Variants in MYO18B observed in about 807,000 individuals in gnomAD.
The protein encoded by MYO18B is myosin XVIIIB.
MYO18B carries 204 observed loss-of-function variants against 273.0 expected under a neutral mutation model. The observed-to-expected ratio is 0.75, with a 90% CI of 0.67 to 0.84. The LOEUF is 0.84. MYO18B is among the 40% of genes least tolerant of loss of function. The pLI is 0.00. For missense variants in MYO18B, 3,212 were observed against 3,287.6 expected (o/e 0.98, Z 0.56); for synonymous variants, 1,330 against 1,305.7 (o/e 1.02, Z -0.40).
In MYO18B at chr22:25,744,576, A is replaced by AC. The variant is rs375738045; in HGVS notation, c.-110+2283_-110+2284insC. On this transcript the variant is annotated intron_variant, in intron 1 of 43. Transcript: ENST00000335473. The stretch of plus-strand genomic sequence containing the variant: ...GAAACCCCGTCTCTACTAAAAACAC[A>AC]AAAAAAAATTAGCCGGGCGTGGTGG... Among the ~76,000 whole-genome samples, 542 of 151,236 alleles carry AC rather than the reference A, an allele frequency of 3.6e-3. 5 individuals carry two copies. The highest frequency in any genetic ancestry group is 0.013 in the African/African-American group (525 of 41,198).
chr22:25,769,849 T>C (rs1448857115), intron 4 of MYO18B, among the ~76,000 whole-genome samples: 1 of 151,052 alleles, frequency 6.6e-6, no homozygotes, highest in South Asian at 2.1e-4. Flanking sequence ...GGAATCTGCA[T>C]TTATGTAGTA....
chr22:25,812,650 G>A (rs1471990829), intron 12 of MYO18B, among the ~76,000 whole-genome samples: 1 of 152,208 alleles, frequency 6.6e-6, no homozygotes, highest in Non-Finnish European at 1.5e-5. Context: ...GCCTCCCATG[G>A]CCTCAACTTG....
chr22:25,781,899 G>A (rs1268501288), intron 10 of MYO18B, 65 bp downstream of exon 10: 35 of 1,166,708 alleles, frequency 3.0e-5, no homozygotes, highest in Non-Finnish European at 3.9e-5. Context: ...GTTCTTTGGG[G>A]GCCCAGCCTT....
At chr22:25,755,355 C>T (rs1035353473) in intron 1 of MYO18B, among the ~76,000 whole-genome samples, 1 of 152,132 alleles carries the variant, frequency 6.6e-6, no homozygotes, top group African/African-American at 2.4e-5. Context: ...TACAGGCATG[C>T]GCTGGCACGC....
intron 39 of MYO18B, among the ~76,000 whole-genome samples, chr22:25,975,162 A>G (rs142827696): frequency 3.3e-5 from 5 of 152,224 alleles, no homozygotes; most frequent in Non-Finnish European, 7.3e-5. Flanking sequence ...CTGTTCATCC[A>G]AGAGGCGTGC....
At chr22:25,804,390 A>G (rs1218969008) in intron 12 of MYO18B, among the ~76,000 whole-genome samples, 1 of 152,208 alleles carries the variant, frequency 6.6e-6, no homozygotes, top group African/African-American at 2.4e-5. Flanking sequence ...TACTTGCTAG[A>G]TCACCGGACC....
At chr22:25,972,498 A>G (rs776286902) in intron 39 of MYO18B, among the ~76,000 whole-genome samples, 14 of 152,222 alleles carry the variant, frequency 9.2e-5, no homozygotes, top group Non-Finnish European at 4.4e-5. Flanking sequence ...CCTTGGCTAT[A>G]GAAATGTAGA....
intron 31 of MYO18B, among the ~76,000 whole-genome samples, chr22:25,906,927 G>T (rs1230396277): frequency 6.6e-6 from 1 of 152,144 alleles, no homozygotes; most frequent in East Asian, 1.9e-4. Flanking sequence ...TGACCTGTGG[G>T]AATTATGGGA....
At chr22:25,968,232 G>C (rs182623213) in intron 39 of MYO18B, among the ~76,000 whole-genome samples, 7 of 152,278 alleles carry the variant, frequency 4.6e-5, no homozygotes, top group South Asian at 2.1e-4. Context: ...ACCAAGCACT[G>C]GTATTTGAAG....
At chr22:25,948,577 C>T (rs1468020162) in intron 36 of MYO18B, among the ~76,000 whole-genome samples, 1 of 70,288 alleles carries the variant, frequency 1.4e-5, no homozygotes, top group Admixed American at 1.4e-4. Flanking sequence ...TTCTTTCCCC[C>T]TCTTTCTTTC....
chr22:25,785,576 T>C (rs1288596539), intron 11 of MYO18B, 85 bp downstream of exon 11: 1 of 1,420,762 alleles, frequency 7.0e-7, no homozygotes, highest in Non-Finnish European at 9.7e-7. Flanking sequence ...GCAACTTGTC[T>C]CTTTTGGTAC....
At chr22:26,045,013 T>C in the MYO18B span, among the ~76,000 whole-genome samples, 1 of 152,178 alleles carries the variant, frequency 6.6e-6, no homozygotes, top group Non-Finnish European at 1.5e-5. Context: ...TTGGAGTTCC[T>C]ATCATCAAGG....
intron 34 of MYO18B, among the ~76,000 whole-genome samples, chr22:25,935,668 G>A (rs2146527611): frequency 6.6e-6 from 1 of 152,238 alleles, no homozygotes; most frequent in East Asian, 1.9e-4. Context: ...GTTTCTCCCA[G>A]AGTACCCTCC....
chr22:25,787,260 G>T (rs543022367), intron 11 of MYO18B, among the ~76,000 whole-genome samples: 1 of 108,520 alleles, frequency 9.2e-6, no homozygotes, highest in African/African-American at 3.8e-5. Flanking sequence ...GCCTGTGTGC[G>T]TGCAGGCGCG....
intron 35 of MYO18B, among the ~76,000 whole-genome samples, chr22:25,947,089 T>C (rs1601650777): frequency 6.6e-6 from 1 of 152,192 alleles, no homozygotes; most frequent in South Asian, 2.1e-4. Context: ...TTGTCCCTTA[T>C]GTTGTTGGAA....
intron 36 of MYO18B, among the ~76,000 whole-genome samples, chr22:25,948,455 C>CTTTCT (rs1569225255): frequency 2.5e-4 from 20 of 80,148 alleles, no homozygotes; most frequent in African/African-American, 9.6e-4. Flanking sequence ...TCCTTCCTTC[C>CTTTCT]TTCCTTCTTT....
At chr22:25,770,237 G>A in intron 5 of MYO18B, 61 bp downstream of exon 5, 1 of 1,523,880 alleles carries the variant, frequency 6.6e-7, no homozygotes. Context: ...CCCTACTGCT[G>A]CCAGCCATAT....
intron 42 of MYO18B, among the ~76,000 whole-genome samples, chr22:26,011,080 C>G (rs573693064): frequency 1.8e-3 from 270 of 150,144 alleles, no homozygotes; most frequent in Admixed American, 3.4e-3. Flanking sequence ...AAAGGAAAAT[C>G]TAGCTTCAGG....
the MYO18B span, among the ~76,000 whole-genome samples, chr22:26,038,932 G>A: frequency 6.6e-6 from 1 of 152,278 alleles, no homozygotes; most frequent in East Asian, 1.9e-4. Context: ...TTGAGAATTT[G>A]CATGAAAAAG....
Sources: allele counts gnomAD v4.1 joint callset (sites outside exome capture counted in the v4.1 genomes callset), GRCh38; gene constraint gnomAD v4.1.1; transcripts MANE v1.5; gene names NCBI Gene and HGNC (gene_info 2026-07-23, HGNC 2026-07-21).